KCNK9: variants seen among roughly 807,000 people sequenced by gnomAD.
KCNK9 encodes potassium channel subfamily K member 9.
A neutral mutation model predicts 10.8 loss-of-function variants in KCNK9; 1 was observed. The ratio of observed to expected loss-of-function variants is 0.09; its 90% CI spans 0.03 to 0.44. The LOEUF (loss-of-function observed/expected upper bound fraction) is 0.44, where lower values mean the gene tolerates loss of function less well. KCNK9 is among the 20% of genes least tolerant of loss of function. The pLI is 0.97. For missense variants in KCNK9, 303 were observed against 515.0 expected, an observed-to-expected ratio of 0.59 and a Z score of 3.98; for synonymous variants, 231 against 222.7, an observed-to-expected ratio of 1.04 and a Z score of -0.33.
rs1586632245 is a variant in KCNK9, at chr8:139,618,078, G to C, written c.*180C>G. 6.3e-6 allele frequency: 5 copies of C among 794,346 alleles called. No individual in the cohort carries two copies. In the East Asian group the frequency reaches 1.4e-4, roughly 22 times the overall value. 49.2% of individuals were successfully genotyped at this position (794,346 alleles called of 1,614,324 possible). A position where few individuals can be genotyped will look rare whatever the true frequency, so the allele number is the denominator to read the frequency against. On this transcript the variant is annotated 3_prime_UTR_variant, in exon 2 of 2. Transcript: ENST00000520439. This position sits in a 1 kb window ranked among gnomAD's most constrained non-coding sequence, Gnocchi z 7.9. ...ATGGGCCTGTATTTCCCTTTGGCCT[G>C]CTCTGTCTGGCTGGAAAGGTGGGGG...
At chr8:139,627,607 T>C (rs376609792) in intron 1 of KCNK9, among the ~76,000 whole-genome samples, 387 of 152,286 alleles carry the variant, frequency 2.5e-3, no homozygotes, top group Non-Finnish European at 4.1e-3. Flanking sequence ...CTACCCGGAG[T>C]GAGCCCAGCT....
intron 1 of KCNK9, among the ~76,000 whole-genome samples, chr8:139,628,847 G>T (rs190696166): frequency 2.6e-5 from 4 of 152,216 alleles, no homozygotes; most frequent in Admixed American, 2.6e-4. Context: ...TCCATGTAGG[G>T]CCTTGAGTGA....
intron 1 of KCNK9, among the ~76,000 whole-genome samples, chr8:139,638,312 G>A (rs1265433873): frequency 6.6e-6 from 1 of 152,122 alleles, no homozygotes. Context: ...GACCACACAG[G>A]TCATGAATTA....
intron 1 of KCNK9, among the ~76,000 whole-genome samples, chr8:139,666,292 T>C (rs1816298054): frequency 6.6e-6 from 1 of 152,224 alleles, no homozygotes; most frequent in Admixed American, 6.5e-5. Context: ...GAAGTCATCC[T>C]ATTGTGTAGG....
intron 1 of KCNK9, among the ~76,000 whole-genome samples, chr8:139,667,044 G>T (rs1332110998): frequency 3.9e-5 from 6 of 152,226 alleles, no homozygotes; most frequent in African/African-American, 1.4e-4. Context: ...CTCTCACAGG[G>T]CTCCCACAGG....
intron 1 of KCNK9, among the ~76,000 whole-genome samples, chr8:139,633,944 T>C (rs1035895077): frequency 4.6e-5 from 7 of 152,246 alleles, no homozygotes; most frequent in African/African-American, 1.7e-4. Flanking sequence ...CTGTAACTAT[T>C]CGCATCGAGC....
intron 1 of KCNK9, among the ~76,000 whole-genome samples, chr8:139,637,245 C>G (rs916502731): frequency 3.3e-5 from 5 of 152,156 alleles, no homozygotes; most frequent in Non-Finnish European, 5.9e-5. Flanking sequence ...GAGTGCTGAC[C>G]GCATACCCCA....
At chr8:139,650,729 G>T (rs375926808) in intron 1 of KCNK9, among the ~76,000 whole-genome samples, 1 of 152,190 alleles carries the variant, frequency 6.6e-6, no homozygotes, top group South Asian at 2.1e-4. Context: ...ACACCCCTGA[G>T]AAATGAGAAA....
chr8:139,655,502 G>T (rs1356464141), intron 1 of KCNK9, among the ~76,000 whole-genome samples: 1 of 152,262 alleles, frequency 6.6e-6, no homozygotes, highest in Non-Finnish European at 1.5e-5. Context: ...CCCCCATCAG[G>T]TCCAGGTGAA....
At chr8:139,674,191 T>C (rs1816497966) in intron 1 of KCNK9, among the ~76,000 whole-genome samples, 1 of 152,134 alleles carries the variant, frequency 6.6e-6, no homozygotes, top group South Asian at 2.1e-4. Context: ...CAGGCTTAGA[T>C]GAGGTCATGA....
intron 1 of KCNK9, among the ~76,000 whole-genome samples, chr8:139,695,333 G>A (rs569329415): frequency 1.3e-5 from 2 of 152,340 alleles, no homozygotes; most frequent in South Asian, 2.1e-4. Flanking sequence ...ACTGGACTGG[G>A]AAAGCACATA....
intron 1 of KCNK9, among the ~76,000 whole-genome samples, chr8:139,663,644 C>A (rs1003337494): frequency 1.3e-5 from 1 of 78,466 alleles, no homozygotes; most frequent in African/African-American, 6.8e-5. Context: ...GACGCGCGTG[C>A]GCACGTGTGT....
chr8:139,699,311 A>C (rs1336657021), intron 1 of KCNK9, among the ~76,000 whole-genome samples: 3 of 152,164 alleles, frequency 2.0e-5, no homozygotes, highest in Non-Finnish European at 2.9e-5. Context: ...GGTCCCTTAC[A>C]CACCATTTGG....
At position 139,620,291 on chromosome 8, in the gene KCNK9, C is replaced by A. The variant is rs1278687133; in HGVS notation, c.284-1192G>T. On this transcript the variant is annotated intron_variant, in intron 1 of 1. Transcript: ENST00000520439. ...GTCTTCCAACATCTAAAATCCTGCC[C>A]ATCAAGATAGATTTCCCTGATGGGA... Among the ~76,000 whole-genome samples the A allele has an allele frequency of 2.0e-5, 3 of 152,302 alleles. No homozygotes were observed. The East Asian group carries it at 5.8e-4, about 29-fold the overall frequency.
chr8:139,700,520 GCACACACACACACACACA>G (rs765602878), intron 1 of KCNK9, among the ~76,000 whole-genome samples: 11,437 of 141,260 alleles, frequency 0.081, 532 homozygotes, highest in East Asian at 0.19. Flanking sequence ...GCGCGCGCGC[GCACACACACACACACACA>G]CGCGCGCACA....
In KCNK9 at chr8:139,647,761, C is replaced by CT. The variant is rs1815735309; in HGVS notation, c.284-28663_284-28662insA. Among the ~76,000 whole-genome samples, 9 of 6,846 alleles carry CT rather than the reference C, an allele frequency of 1.3e-3. No homozygotes were observed. In the South Asian group the frequency reaches 0.19, roughly 143 times the overall value. The allele number at this position is 6,846 out of a possible 152,430, so 4.5% of individuals were successfully genotyped here. A position where few individuals can be genotyped will look rare whatever the true frequency, so the allele number is the denominator to read the frequency against. On this transcript the variant is annotated intron_variant, in intron 1 of 1. Transcript: ENST00000520439. Reference sequence around the variant, plus strand: ...GACAAGGAGCTTCCAGAGTTCTGAGCCCTAAGGGACTTCACTTCCACCTTA... The same window carrying CT: ...GACAAGGAGCTTCCAGAGTTCTGAGCTCCTAAGGGACTTCACTTCCACCTTA...
chr8:139,673,361 C>T (rs531173657), intron 1 of KCNK9, among the ~76,000 whole-genome samples: 9 of 152,176 alleles, frequency 5.9e-5, no homozygotes, highest in African/African-American at 1.9e-4. Flanking sequence ...GCTATGTGAA[C>T]GAAATCTCAA....
At chr8:139,651,839 T>C (rs1442310112) in intron 1 of KCNK9, among the ~76,000 whole-genome samples, 1 of 152,148 alleles carries the variant, frequency 6.6e-6, no homozygotes, top group African/African-American at 2.4e-5. Context: ...TTGGCCCAAG[T>C]CCTTACCTGC....
At chr8:139,603,839 T>C (rs1439227307) in intron 2 of KCNK9, among the ~76,000 whole-genome samples, 1 of 152,222 alleles carries the variant, frequency 6.6e-6, no homozygotes, top group Admixed American at 6.5e-5. Flanking sequence ...GGATAGAAAC[T>C]GTCTTCCAAA....
Sources: gnomAD v4.1 joint callset for allele counts (sites outside exome capture counted in the v4.1 genomes callset) on GRCh38, gnomAD v4.1.1 for gene constraint, Gnocchi (gnomAD v3.1) non-coding constraint, MANE v1.5 for transcripts, NCBI Gene and HGNC (gene_info 2026-07-23, HGNC 2026-07-21) for gene names.